The following CCM2L variants were observed in gnomAD, a reference collection of about 807,000 sequenced individuals.
CCM2L encodes cerebral cavernous malformations 2 protein-like.
CCM2L carries 36 observed loss-of-function variants against 54.1 expected under a neutral mutation model. That is an observed-to-expected ratio of 0.67 (90% confidence interval 0.51 to 0.88). CCM2L has a LOEUF of 0.88. Ranked by LOEUF, CCM2L falls within the 40% of genes least tolerant of loss-of-function variation. CCM2L has a pLI of 0.00. For missense variants in CCM2L, 700 were observed against 812.1 expected, an observed-to-expected ratio of 0.86 and a Z score of 1.68; for synonymous variants, 351 against 359.3, an observed-to-expected ratio of 0.98 and a Z score of 0.26.
At chr20:32,019,830 AG>A (rs2064786436) in intron 5 of CCM2L, among the ~76,000 whole-genome samples, 1 of 152,358 alleles carries the variant, frequency 6.6e-6, no homozygotes, top group Admixed American at 6.5e-5. Context: ...TCTATAGAAA[AG>A]GAAACCGAGA....
chr20:32,017,713 C>T, intron 2 of CCM2L, 87 bp from the exon 3 acceptor site: 1 of 1,006,528 alleles, frequency 9.9e-7, no homozygotes, highest in South Asian at 1.3e-5. Context: ...CTCAATCTAT[C>T]CGCACTGCAT....
At chr20:32,017,727 T>C in intron 2 of CCM2L, 73 bp from the exon 3 acceptor site, 1 of 1,199,152 alleles carries the variant, frequency 8.3e-7, no homozygotes, top group South Asian at 1.2e-5. Flanking sequence ...ACTGCATCAA[T>C]GAGAAGGCCA....
chr20:32,028,869 G>C, intron 7 of CCM2L, 126 bp from the exon 8 acceptor site: 1 of 1,239,774 alleles, frequency 8.1e-7, no homozygotes, highest in East Asian at 2.5e-5. Flanking sequence ...AGAGGTGCCA[G>C]GGGCCAGGGT....
chr20:32,029,987 C>A (rs2064905804), intron 9 of CCM2L, 149 bp downstream of exon 9: 2 of 995,098 alleles, frequency 2.0e-6, no homozygotes, highest in East Asian at 3.0e-5. Flanking sequence ...AGATGAGGAG[C>A]CCAAAGTGCA....
In CCM2L at chr20:32,019,271, T is replaced by C; in HGVS notation, c.795T>C (p.Gly265=). 1 of 1,226,296 alleles carries C rather than the reference T, an allele frequency of 8.2e-7. No homozygotes were observed. Among genetic ancestry groups the C allele is most frequent in the Non-Finnish European group, 1.0e-6 (1 of 980,058 alleles). 76.0% of individuals were successfully genotyped at this position (1,226,296 alleles called of 1,614,324 possible). ...GCGGCGGCGCGGGAAAGCCGGGCGG[T>C]AGCTGGGAGCGGAGGCAGGCGGGCA... The part of the protein sequence containing the change: ...GGGGGAGKPG[G]SWERRQAGSG... The change falls in exon 5 of 10, where the codon GGT becomes GGC. Residue 265 remains glycine (G), a synonymous_variant. Transcript: ENST00000452892.
At position 32,029,700 on chromosome 20, in the gene CCM2L, T is replaced by C. The variant is rs1268559898; in HGVS notation, c.1264T>C (p.Leu422=). ...ATCTCGAATGGTGTCCCCCACATAGTTGCGGAGTAAGCTGGGGCCCCTCGA... is the reference window on the plus strand; with the variant it reads ...ATCTCGAATGGTGTCCCCCACATAGCTGCGGAGTAAGCTGGGGCCCCTCGA... The part of the protein sequence containing the change: ...LEQLQDYMVT[L]RSKLGPLEIQ... The change falls in exon 9 of 10, where the codon TTG becomes CTG. Residue 422 remains leucine, a splice_region_variant and synonymous_variant. Coordinates refer to ENST00000452892, the MANE Select transcript of CCM2L (RefSeq NM_001365692.1). 5 of 1,606,952 alleles carry C rather than the reference T, an allele frequency of 3.1e-6. No individual in the cohort carries two copies. Among genetic ancestry groups the C allele is most frequent in the Admixed American group, 1.7e-5 (1 of 59,166 alleles).
chr20:32,025,524 C>T (rs1568924050), intron 6 of CCM2L, among the ~76,000 whole-genome samples: 1 of 152,178 alleles, frequency 6.6e-6, no homozygotes. Context: ...GCCTTGGCCT[C>T]CCAAAGTGCT....
At chr20:32,029,643 C>T in intron 8 of CCM2L, 57 bp from the exon 9 acceptor site, 1 of 1,544,146 alleles carries the variant, frequency 6.5e-7, no homozygotes, top group Non-Finnish European at 8.8e-7. Flanking sequence ...GCCTTTCAGG[C>T]AGGGGTTGGG....
chr20:32,018,688 G>A (rs1229272680), intron 4 of CCM2L, among the ~76,000 whole-genome samples: 1 of 152,084 alleles, frequency 6.6e-6, no homozygotes, highest in Non-Finnish European at 1.5e-5. Flanking sequence ...TGAGGCCAGG[G>A]GCGCAGGCGT....
At chr20:32,027,461 T>A (rs2064873425) in intron 7 of CCM2L, among the ~76,000 whole-genome samples, 1 of 152,274 alleles carries the variant, frequency 6.6e-6, no homozygotes, top group South Asian at 2.1e-4. Flanking sequence ...CAGCAGCTAC[T>A]GTTTATTGCT....
In CCM2L at chr20:32,019,298, C is replaced by T. The variant is rs7272208; in HGVS notation, c.822C>T (p.Ser274=). 2,780 of 1,286,576 alleles carry T rather than the reference C, an allele frequency of 2.2e-3. 63 individuals are homozygous for T. The African/African-American group carries it at 0.037, about 17-fold the overall frequency. The allele number at this position is 1,286,576 out of a possible 1,614,324, so 79.7% of individuals were successfully genotyped here. ...GCTGGGAGCGGAGGCAGGCGGGCAG[C>T]GGCGGGGGAGGCAGCTGGGAGCGGC... ...GGSWERRQAG[S]GGGGSWERRH... Residue 274 remains serine (S), a synonymous_variant, in exon 5 of 10, where the codon AGC becomes AGT. Coordinates refer to ENST00000452892, the MANE Select transcript of CCM2L (RefSeq NM_001365692.1).
intron 1 of CCM2L, among the ~76,000 whole-genome samples, chr20:32,013,852 C>A (rs1350287122): frequency 2.0e-5 from 3 of 152,134 alleles, no homozygotes; most frequent in Non-Finnish European, 4.4e-5. Flanking sequence ...GCTTGTTAAG[C>A]CCTAATTGCT....
At position 32,031,394 on chromosome 20, in the gene CCM2L, C is replaced by A; in HGVS notation, c.*80C>A. 6 of 1,145,472 alleles carry A rather than the reference C, an allele frequency of 5.2e-6. No homozygotes were observed. The highest frequency in any genetic ancestry group is 5.9e-5 in the East Asian group (1 of 16,822). 71.0% of individuals were successfully genotyped at this position (1,145,472 alleles called of 1,614,324 possible). A position where few individuals can be genotyped will look rare whatever the true frequency, so the allele number is the denominator to read the frequency against. ...GCTTCGGGGACCCTATCCCCAGGGC[C>A]CCCCCATCACACCTGGCGGGGCCGG... On this transcript the variant is annotated 3_prime_UTR_variant, in exon 10 of 10. Transcript: ENST00000452892.
intron 6 of CCM2L, among the ~76,000 whole-genome samples, chr20:32,025,107 C>A (rs369107933): frequency 6.8e-6 from 1 of 146,778 alleles, no homozygotes; most frequent in Non-Finnish European, 1.5e-5. Flanking sequence ...TTTTCTTTTC[C>A]TTCCCCTTCC....
intron 1 of CCM2L, among the ~76,000 whole-genome samples, chr20:32,014,430 A>G (rs1250954095): frequency 1.3e-5 from 2 of 151,800 alleles, no homozygotes; most frequent in Admixed American, 6.6e-5. Context: ...AACGCCTGAC[A>G]AATTTTTGTA....
intron 6 of CCM2L, among the ~76,000 whole-genome samples, chr20:32,025,089 T>C (rs201576872): frequency 6.7e-6 from 1 of 150,280 alleles, no homozygotes; most frequent in Non-Finnish European, 1.5e-5. Context: ...CTTTCTCTCT[T>C]TCTTTTCTTT....
chr20:32,013,442 GTTGT>G (rs201320989), intron 1 of CCM2L, among the ~76,000 whole-genome samples: 68 of 152,144 alleles, frequency 4.5e-4, no homozygotes, highest in African/African-American at 1.4e-3. Flanking sequence ...GGGGGTGGGG[GTTGT>G]TTGTTTTGTT....
chr20:32,022,172 T>C (rs945323749), intron 5 of CCM2L, among the ~76,000 whole-genome samples: 1 of 152,342 alleles, frequency 6.6e-6, no homozygotes, highest in African/African-American at 2.4e-5. Flanking sequence ...GAATTTTATT[T>C]ATCCTGTTTC....
chr20:32,018,531 CG>C (rs2064763883), intron 4 of CCM2L, among the ~76,000 whole-genome samples: 2 of 147,694 alleles, frequency 1.4e-5, no homozygotes, highest in South Asian at 2.2e-4. Flanking sequence ...GGGCTGGGGG[CG>C]GGGCCTGATT....
Sources: gnomAD v4.1 joint callset for allele counts (sites outside exome capture counted in the v4.1 genomes callset) on GRCh38, gnomAD v4.1.1 for gene constraint, MANE v1.5 for transcripts, NCBI Gene and HGNC (gene_info 2026-07-23, HGNC 2026-07-21) for gene names.